LRRC7: variants seen among roughly 807,000 people sequenced by gnomAD.
LRRC7 encodes the protein leucine-rich repeat-containing protein 7.
LRRC7 carries 23 observed loss-of-function variants against 175.7 expected under a neutral mutation model. The observed-to-expected ratio is 0.13, with a 90% confidence interval of 0.09 to 0.19. The LOEUF is 0.19. LRRC7 is among the 10% of genes least tolerant of loss of function. LRRC7 has a pLI of 1.00. For missense variants in LRRC7, 1,354 were observed against 1,904.7 expected, an observed-to-expected ratio of 0.71 and a Z score of 5.38; for synonymous variants, 685 against 680.9, an observed-to-expected ratio of 1.01 and a Z score of -0.09.
chr1:70,089,560 C>T (rs1478262174), intron 24 of LRRC7, among the ~76,000 whole-genome samples, 167 bp from the exon 25 acceptor site: 1 of 152,126 alleles, frequency 6.6e-6, no homozygotes, highest in Admixed American at 6.6e-5. Context: ...CATATAGAAA[C>T]ATTAAACATT....
At chr1:69,852,311 C>T (rs1423243988) in intron 7 of LRRC7, among the ~76,000 whole-genome samples, 1 of 152,016 alleles carries the variant, frequency 6.6e-6, no homozygotes, top group Non-Finnish European at 1.5e-5. Flanking sequence ...TTGCAAAGAA[C>T]GTTTACAATG....
chr1:69,903,769 A>C (rs1646210890), intron 7 of LRRC7, among the ~76,000 whole-genome samples: 1 of 152,148 alleles, frequency 6.6e-6, no homozygotes, highest in Admixed American at 6.5e-5. Flanking sequence ...AGACTAATAA[A>C]GAAGAAAAGA....
At position 69,616,683 on chromosome 1, in the gene LRRC7, G is replaced by A. The variant is rs191419927; in HGVS notation, c.2+48042G>A. ...TTAAAATATTCCACATTGCTCATGA[G>A]TGACCAGCTTAGTTTAGGCTCTGCC... On this transcript the variant is annotated intron_variant, in intron 1 of 26. Coordinates refer to ENST00000651989, the MANE Select transcript of LRRC7 (RefSeq NM_001370785.2). 1.7e-4 allele frequency among the ~76,000 whole-genome samples: 26 copies of A among 152,126 alleles called. 1 individual carries two copies. Among genetic ancestry groups the A allele is most frequent in the Non-Finnish European group, 3.5e-4 (24 of 67,984 alleles).
rs1302763966 is a variant in LRRC7 at position 70,076,204 on chromosome 1, A to T, written c.4358A>T (p.Gln1453Leu). 6.2e-7 allele frequency: 1 copy of T among 1,614,046 alleles called. No individual in the cohort carries two copies. Among genetic ancestry groups the T allele is most frequent in the Admixed American group, 1.7e-5 (1 of 59,996 alleles). The change falls in exon 24 of 27, where the codon CAG becomes CTG. Residue 1453 changes from glutamine to leucine, a missense_variant. Coordinates refer to ENST00000651989, the MANE Select transcript of LRRC7 (RefSeq NM_001370785.2). Reference sequence around the variant, plus strand: ...CAATTTCAGTCACCATTGCCTATTCAGATCCCCTCTTCACAGGCCACCCGG... The same window carrying T: ...CAATTTCAGTCACCATTGCCTATTCTGATCCCCTCTTCACAGGCCACCCGG... The part of the protein sequence containing the change: ...IQQFQSPLPI[Q>L]IPSSQATRGP...
At chr1:69,754,928 GA>G (rs891053301) in intron 2 of LRRC7, among the ~76,000 whole-genome samples, 1 of 151,538 alleles carries the variant, frequency 6.6e-6, no homozygotes, top group Non-Finnish European at 1.5e-5. Context: ...ATATTGTAAA[GA>G]AAAAAAGGGT....
At chr1:69,677,130 T>C (rs1659864768) in intron 1 of LRRC7, among the ~76,000 whole-genome samples, 1 of 146,446 alleles carries the variant, frequency 6.8e-6, no homozygotes, top group African/African-American at 2.5e-5. Context: ...GGCTGAGTGG[T>C]ATATATAAAC....
chr1:69,636,730 T>C (rs1342516777), intron 1 of LRRC7, among the ~76,000 whole-genome samples: 1 of 151,962 alleles, frequency 6.6e-6, no homozygotes, highest in Non-Finnish European at 1.5e-5. Context: ...ACCTCAGAGT[T>C]GAAATTCACC....
intron 13 of LRRC7, chr1:70,014,028 TA>T (rs1656752518): frequency 6.6e-6 from 1 of 152,016 alleles, no homozygotes; most frequent in Non-Finnish European, 1.5e-5. Flanking sequence ...AACATTTTAT[TA>T]AAAAGTTTGG....
chr1:69,837,568 T>C (rs1013657520), intron 6 of LRRC7, among the ~76,000 whole-genome samples: 1 of 151,868 alleles, frequency 6.6e-6, no homozygotes, highest in Admixed American at 6.6e-5. Context: ...TTTAACTCTA[T>C]GCTATAGTAT....
Position 69,863,265 on chromosome 1 carries a change from C to A in LRRC7, c.647+24982C>A, listed in dbSNP as rs372731948. On this transcript the variant is annotated intron_variant, in intron 7 of 26. Transcript: ENST00000651989. ...CTTACTGCAAAAGGTCTTTGATGAC[C>A]CTCCAATCTAAAGTAGCCATTCCAA... is the stretch of plus-strand genomic sequence containing the variant. 4.7e-4 allele frequency among the ~76,000 whole-genome samples: 72 copies of A among 152,230 alleles called. 2 individuals are homozygous for A. In the South Asian group the frequency reaches 0.015, roughly 32 times the overall value.
chr1:69,670,401 C>T (rs1245579739), intron 1 of LRRC7, among the ~76,000 whole-genome samples: 2 of 152,180 alleles, frequency 1.3e-5, no homozygotes, highest in African/African-American at 4.8e-5. Context: ...GAGTCTCTTT[C>T]TCTTTTCTGA....
chr1:69,989,744 T>C (rs572331033), intron 10 of LRRC7, among the ~76,000 whole-genome samples: 85 of 152,206 alleles, frequency 5.6e-4, no homozygotes, highest in African/African-American at 2.0e-3. Context: ...GTTGATATTA[T>C]TTTTCAACAT....
intron 8 of LRRC7, among the ~76,000 whole-genome samples, chr1:69,966,297 T>G (rs1481796944): frequency 6.6e-6 from 1 of 152,204 alleles, no homozygotes. Flanking sequence ...GCCTTCCAGT[T>G]GTATATTGCT....
chr1:70,130,774 AT>A lies in LRRC7; in HGVS notation c.*8890del, dbSNP rs1666631857. On this transcript the variant is annotated 3_prime_UTR_variant, in exon 27 of 27. Transcript: ENST00000651989. Reference sequence around the variant, plus strand: ...TTACGTTACCTAAGCAATTTTTACAATTTGGATGTGGAGGGAAGAATAAAAG... The same window carrying A: ...TTACGTTACCTAAGCAATTTTTACAATTGGATGTGGAGGGAAGAATAAAAG... Among the ~76,000 whole-genome samples the A allele has an allele frequency of 6.6e-6, 1 of 152,180 alleles. No individual in the cohort carries two copies.
intron 4 of LRRC7, among the ~76,000 whole-genome samples, chr1:69,811,348 A>C (rs969878886): frequency 1.3e-5 from 2 of 152,102 alleles, no homozygotes; most frequent in Non-Finnish European, 2.9e-5. Flanking sequence ...CAACCATTGT[A>C]GAAGACAGTG....
At chr1:69,699,391 T>C (rs1035555413) in intron 2 of LRRC7, among the ~76,000 whole-genome samples, 1 of 151,868 alleles carries the variant, frequency 6.6e-6, no homozygotes, top group Non-Finnish European at 1.5e-5. Flanking sequence ...AGTACAAAAA[T>C]TAGCTGGGTG....
At chr1:70,068,164 T>A (rs1023134772) in intron 23 of LRRC7, among the ~76,000 whole-genome samples, 1 of 152,190 alleles carries the variant, frequency 6.6e-6, no homozygotes, top group Non-Finnish European at 1.5e-5. Flanking sequence ...GTAGTGAGAG[T>A]GTACATTTAC....
At chr1:69,704,044 G>T (rs1663712909) in intron 2 of LRRC7, among the ~76,000 whole-genome samples, 1 of 151,898 alleles carries the variant, frequency 6.6e-6, no homozygotes, top group African/African-American at 2.4e-5. Context: ...AACAGATAAA[G>T]AAAATTTATA....
chr1:69,733,955 G>A (rs1428990666), intron 2 of LRRC7, among the ~76,000 whole-genome samples: 2 of 151,874 alleles, frequency 1.3e-5, no homozygotes, highest in African/African-American at 4.8e-5. Context: ...TAGTTTTTAG[G>A]TTACTATAAA....
Sources: allele counts gnomAD v4.1 joint callset (sites outside exome capture counted in the v4.1 genomes callset), GRCh38; gene constraint gnomAD v4.1.1; transcripts MANE v1.5; gene names NCBI Gene and HGNC (gene_info 2026-07-23, HGNC 2026-07-21).